Variants in CSMD1 observed in about 807,000 individuals in gnomAD.
The protein encoded by CSMD1 is CUB and sushi domain-containing protein 1.
In CSMD1, 213 loss-of-function variants were observed where a neutral mutation model predicts 417.5. That is an observed-to-expected ratio of 0.51 (90% confidence interval 0.46 to 0.57). CSMD1 has a LOEUF of 0.57. Ranked by LOEUF, CSMD1 falls within the 20% of genes least tolerant of loss-of-function variation. The probability of loss-of-function intolerance (pLI) is 0.00; values close to 1 mark genes in which losing one functional copy is unlikely to be tolerated. For missense variants in CSMD1, 6,923 were observed against 4,529.7 expected, an observed-to-expected ratio of 1.53 and a Z score of -15.17; for synonymous variants, 2,862 against 1,736.8, an observed-to-expected ratio of 1.65 and a Z score of -16.11.
intron 3 of CSMD1, among the ~76,000 whole-genome samples, chr8:4,072,948 T>G (rs1799635607): frequency 6.6e-6 from 1 of 152,202 alleles, no homozygotes; most frequent in Non-Finnish European, 1.5e-5. Flanking sequence ...TTTCAAAAGT[T>G]TTTAAAATTT....
intron 26 of CSMD1, among the ~76,000 whole-genome samples, chr8:3,277,707 C>G (rs1011211431): frequency 6.6e-6 from 1 of 152,138 alleles, no homozygotes; most frequent in Non-Finnish European, 1.5e-5. Flanking sequence ...ATCTCTGCAG[C>G]AAAGCAGAGA....
chr8:3,507,324 G>C (rs555610906), intron 10 of CSMD1, among the ~76,000 whole-genome samples: 1 of 152,236 alleles, frequency 6.6e-6, no homozygotes, highest in South Asian at 2.1e-4. Context: ...TCCCTAAAAA[G>C]GACATGAACT....
chr8:4,048,516 G>GTTTATA (rs1221310335), intron 3 of CSMD1, among the ~76,000 whole-genome samples: 3 of 152,104 alleles, frequency 2.0e-5, no homozygotes, highest in African/African-American at 7.2e-5. Context: ...AAAAGTTAAG[G>GTTTATA]AACATCCCTC....
chr8:4,848,826 G>A (rs62484645), intron 1 of CSMD1, among the ~76,000 whole-genome samples: 4 of 152,348 alleles, frequency 2.6e-5, no homozygotes, highest in Admixed American at 2.0e-4. Context: ...TTACAGGCGT[G>A]AGCCAACGCG....
At chr8:4,039,838 G>T (rs578246131) in intron 3 of CSMD1, among the ~76,000 whole-genome samples, 1 of 152,108 alleles carries the variant, frequency 6.6e-6, no homozygotes, top group Non-Finnish European at 1.5e-5. Flanking sequence ...AATAGATTTG[G>T]GTTTCTGCTC....
intron 49 of CSMD1, among the ~76,000 whole-genome samples, chr8:3,080,123 A>G (rs1342834595): frequency 6.6e-6 from 1 of 152,226 alleles, no homozygotes; most frequent in African/African-American, 2.4e-5. Flanking sequence ...CACAGCTGAT[A>G]GAAGGCTCTG....
chr8:3,968,732 G>C (rs746281048), intron 5 of CSMD1, among the ~76,000 whole-genome samples: 10 of 152,148 alleles, frequency 6.6e-5, no homozygotes, highest in East Asian at 1.9e-4. Flanking sequence ...TGTGTAAATA[G>C]CATTTAAGCA....
chr8:4,259,274 C>T (rs1803707142), intron 3 of CSMD1, among the ~76,000 whole-genome samples: 1 of 152,184 alleles, frequency 6.6e-6, no homozygotes, highest in African/African-American at 2.4e-5. Context: ...ACCCCCCTCC[C>T]TGGCTGGCAT....
At chr8:4,577,285 T>C (rs1374837673) in intron 2 of CSMD1, among the ~76,000 whole-genome samples, 2 of 152,212 alleles carry the variant, frequency 1.3e-5, no homozygotes, top group East Asian at 3.9e-4. Context: ...GCTGACTTCA[T>C]AGCTGCTCTC....
At chr8:4,343,255 G>A (rs77239888) in intron 3 of CSMD1, among the ~76,000 whole-genome samples, 8,746 of 152,188 alleles carry the variant, frequency 0.057, 324 homozygotes, top group Admixed American at 0.11. Flanking sequence ...GGAGGATGGA[G>A]GTTGCCAGTG....
At chr8:4,262,967 G>A (rs1160198221) in intron 3 of CSMD1, among the ~76,000 whole-genome samples, 1 of 152,148 alleles carries the variant, frequency 6.6e-6, no homozygotes, top group Non-Finnish European at 1.5e-5. Context: ...GAGTCTCCAA[G>A]TAGAATCACA....
chr8:4,066,400 C>T (rs182215836), intron 3 of CSMD1, among the ~76,000 whole-genome samples: 70 of 151,914 alleles, frequency 4.6e-4, no homozygotes, highest in Non-Finnish European at 8.2e-4. Context: ...GGCATGTCCT[C>T]TTAATTTTAC....
chr8:4,152,935 C>G (rs1288142978), intron 3 of CSMD1, among the ~76,000 whole-genome samples: 1 of 152,126 alleles, frequency 6.6e-6, no homozygotes, highest in African/African-American at 2.4e-5. Context: ...ACTCTATCCT[C>G]TTCTCAAAAT....
chr8:4,627,367 C>G (rs1406965388), intron 2 of CSMD1, among the ~76,000 whole-genome samples: 1 of 152,100 alleles, frequency 6.6e-6, no homozygotes, highest in Non-Finnish European at 1.5e-5. Flanking sequence ...CTATTTATAG[C>G]TCTTTATTGC....
intron 3 of CSMD1, among the ~76,000 whole-genome samples, chr8:4,278,511 G>A (rs1037307941): frequency 1.3e-5 from 2 of 152,154 alleles, no homozygotes; most frequent in Non-Finnish European, 1.5e-5. Context: ...AAAAGTAATT[G>A]TGAGTTTTAC....
intron 1 of CSMD1, among the ~76,000 whole-genome samples, chr8:4,879,755 C>T (rs1803278246): frequency 1.3e-5 from 2 of 151,954 alleles, no homozygotes; most frequent in Non-Finnish European, 2.9e-5. Flanking sequence ...GTTATAGAAC[C>T]GGAAATCTCA....
intron 10 of CSMD1, among the ~76,000 whole-genome samples, chr8:3,529,976 T>A (rs993088796): frequency 6.6e-6 from 1 of 152,136 alleles, no homozygotes; most frequent in Non-Finnish European, 1.5e-5. Flanking sequence ...TGATGTGCCA[T>A]ATGTCATTTT....
intron 1 of CSMD1, among the ~76,000 whole-genome samples, chr8:4,785,887 T>C (rs532122988): frequency 1.3e-5 from 2 of 152,272 alleles, no homozygotes; most frequent in East Asian, 3.9e-4. Flanking sequence ...GCCTGGATTT[T>C]AACCCAAACA....
chr8:4,924,773 A>G (rs549036201), intron 1 of CSMD1, among the ~76,000 whole-genome samples: 1 of 149,874 alleles, frequency 6.7e-6, no homozygotes, highest in Non-Finnish European at 1.5e-5. Flanking sequence ...TAAACATTTT[A>G]AAATCACTCA....
Sources: gnomAD v4.1 joint callset for allele counts (sites outside exome capture counted in the v4.1 genomes callset) on GRCh38, gnomAD v4.1.1 for gene constraint, MANE v1.5 for transcripts, NCBI Gene and HGNC (gene_info 2026-07-23, HGNC 2026-07-21) for gene names.